The following MARK4 variants were observed in gnomAD, a reference collection of about 807,000 sequenced individuals.
MARK4 encodes the protein microtubule affinity regulating kinase 4.
In MARK4, 19 loss-of-function variants were observed where a neutral mutation model predicts 81.5. The ratio of observed to expected loss-of-function variants is 0.23; its 90% CI spans 0.16 to 0.34. The LOEUF (loss-of-function observed/expected upper bound fraction) is 0.34, where lower values mean the gene tolerates loss of function less well. Among genes scored for constraint, MARK4 ranks in the 10% least tolerant of loss-of-function variants. The pLI, the probability that MARK4 is intolerant of heterozygous loss-of-function variation, is 1.00. For synonymous variants in MARK4, 436 were observed against 439.0 expected (o/e 0.99, Z 0.08); for missense variants, 772 against 1,058.8 (o/e 0.73, Z 3.76).
intron 8 of MARK4, 127 bp from the exon 9 acceptor site, chr19:45,277,796 C>T (rs1970617854): frequency 1.7e-6 from 2 of 1,151,764 alleles, no homozygotes; most frequent in South Asian, 1.8e-5. Context: ...GCTTCTGTCA[C>T]TTCTATCAAA....
intron 13 of MARK4, among the ~76,000 whole-genome samples, chr19:45,290,544 C>G (rs969645459): frequency 6.6e-6 from 1 of 152,238 alleles, no homozygotes; most frequent in African/African-American, 2.4e-5. Context: ...TGACTGTGAC[C>G]GGCTTTGACC....
At chr19:45,293,510 G>C (rs1970845343) in intron 13 of MARK4, among the ~76,000 whole-genome samples, 1 of 152,144 alleles carries the variant, frequency 6.6e-6, no homozygotes, top group Non-Finnish European at 1.5e-5. Context: ...TAGAAAACCT[G>C]AACAGTCTTA....
At chr19:45,296,172 C>T (rs1970884185) in intron 14 of MARK4, among the ~76,000 whole-genome samples, 1 of 152,026 alleles carries the variant, frequency 6.6e-6, no homozygotes, top group South Asian at 2.1e-4. Flanking sequence ...CCTTCCAGTT[C>T]TGCTCAAGAG....
At chr19:45,268,833 T>C (rs994711577) in intron 7 of MARK4, among the ~76,000 whole-genome samples, 1 of 152,142 alleles carries the variant, frequency 6.6e-6, no homozygotes, top group Non-Finnish European at 1.5e-5. Context: ...CAAATTGCTA[T>C]AGAGGTTCAA....
chr19:45,292,312 G>T (rs1213700642), intron 13 of MARK4, among the ~76,000 whole-genome samples: 1 of 151,998 alleles, frequency 6.6e-6, no homozygotes, highest in Non-Finnish European at 1.5e-5. Context: ...TGAGAAAGTG[G>T]CCGGGACTCT....
At chr19:45,286,953 A>G (rs796170770) in intron 12 of MARK4, among the ~76,000 whole-genome samples, 9 of 152,088 alleles carry the variant, frequency 5.9e-5, no homozygotes, top group African/African-American at 1.9e-4. Context: ...GTGCTTCCTT[A>G]TTCTTTTTTA....
At chr19:45,295,390 C>T (rs766259870) in intron 14 of MARK4, among the ~76,000 whole-genome samples, 1 of 151,828 alleles carries the variant, frequency 6.6e-6, no homozygotes, top group South Asian at 2.1e-4. Context: ...TGTGAATACT[C>T]AGTTCTGAGT....
intron 13 of MARK4, among the ~76,000 whole-genome samples, chr19:45,289,712 G>A (rs140203570): frequency 0.016 from 2,442 of 152,210 alleles, 75 homozygotes; most frequent in African/African-American, 0.056. Context: ...AGAAGTTGCA[G>A]TGAGCCGAGA....
intron 13 of MARK4, among the ~76,000 whole-genome samples, chr19:45,291,071 C>T (rs1473603166): frequency 6.6e-6 from 1 of 152,162 alleles, no homozygotes; most frequent in Non-Finnish European, 1.5e-5. Flanking sequence ...AATTCATGCC[C>T]CTTGGCTCTT....
At chr19:45,296,778 AG>A (rs1414170745) in intron 14 of MARK4, among the ~76,000 whole-genome samples, 17 of 152,196 alleles carry the variant, frequency 1.1e-4, no homozygotes, top group African/African-American at 3.9e-4. Context: ...GGCTGGGCGC[AG>A]TGGCTCACAC....
chr19:45,289,506 C>T (rs112592483), intron 13 of MARK4, among the ~76,000 whole-genome samples: 26,934 of 151,772 alleles, frequency 0.18, 3,063 homozygotes, highest in Non-Finnish European at 0.26. Context: ...CACGGTGGCT[C>T]ATGCCTATAA....
chr19:45,277,814 G>A, intron 8 of MARK4, 109 bp from the exon 9 acceptor site: 1 of 1,304,788 alleles, frequency 7.7e-7, no homozygotes, highest in Non-Finnish European at 1.0e-6. Context: ...AAAGGGGTTG[G>A]GACAAAGGTT....
rs998729617 is a variant in MARK4 at position 45,299,777 on chromosome 19, A to G, written c.1878-34A>G. 15 of 1,566,914 alleles carry G rather than the reference A, an allele frequency of 9.6e-6. No individual in the cohort carries two copies. The Admixed American group carries it at 1.2e-4, about 13-fold the overall frequency. On this transcript the variant is annotated intron_variant, in intron 15 of 16. Transcript: ENST00000262891. ...TGCGGGAGGTGGGTTCCCTATGTCC[A>G]GATTAGACACTCTGTCCCCCTCCCC...
intron 10 of MARK4, 63 bp from the exon 11 acceptor site, chr19:45,280,307 AAAAG>A (rs1970654367): frequency 2.1e-6 from 3 of 1,439,874 alleles, no homozygotes; most frequent in Non-Finnish European, 9.7e-7. Flanking sequence ...GTCTCAAAAA[AAAAG>A]AGAAATGGAT....
In MARK4 at chr19:45,264,961, G is replaced by A. The variant is rs781065294; in HGVS notation, c.492+51G>A. On this transcript the variant is annotated intron_variant, in intron 6 of 16. Coordinates refer to ENST00000262891, the MANE Select transcript of MARK4 (RefSeq NM_001199867.2). ...TGACTGGGTGCCTGGGTCCCTGGGA[G>A]GGCGTCTGAGAGCTGGGCATGGTCT... 7.5e-5 allele frequency: 119 copies of A among 1,587,732 alleles called. No individual in the cohort carries two copies. The Admixed American group carries it at 1.9e-3, about 26-fold the overall frequency.
At chr19:45,275,027 G>A (rs1186321659) in intron 8 of MARK4, among the ~76,000 whole-genome samples, 5 of 152,178 alleles carry the variant, frequency 3.3e-5, no homozygotes, top group Non-Finnish European at 7.3e-5. Context: ...TTGGGTGGCC[G>A]AGGCGGGCAG....
In MARK4 at chr19:45,278,629, A is replaced by G. The variant is rs1414821914; in HGVS notation, c.1006+14A>G. The G allele has an allele frequency of 1.9e-6, 3 of 1,596,482 alleles. No homozygotes were observed. In the African/African-American group the frequency reaches 4.0e-5, roughly 21 times the overall value. On this transcript the variant is annotated intron_variant, in intron 10 of 16. Coordinates refer to ENST00000262891, the MANE Select transcript of MARK4 (RefSeq NM_001199867.2). Reference sequence around the variant, plus strand: ...CCAAGAGAATTGGTGAGGGTCAGGGAGAGCCATCCTGTCACCCAGGATGGA... The same window carrying G: ...CCAAGAGAATTGGTGAGGGTCAGGGGGAGCCATCCTGTCACCCAGGATGGA...
At chr19:45,301,704 CA>C (rs1473868272) in intron 16 of MARK4, among the ~76,000 whole-genome samples, 1 of 150,676 alleles carries the variant, frequency 6.6e-6, no homozygotes, top group African/African-American at 2.4e-5. Flanking sequence ...ACTAAAAATA[CA>C]AAAATTAGCT....
At chr19:45,299,782 A>G in intron 15 of MARK4, 29 bp from the exon 16 acceptor site, 1 of 1,577,972 alleles carries the variant, frequency 6.3e-7, no homozygotes, top group Non-Finnish European at 8.6e-7. Flanking sequence ...TGTCCAGATT[A>G]GACACTCTGT....
Sources: allele counts gnomAD v4.1 joint callset (sites outside exome capture counted in the v4.1 genomes callset), GRCh38; gene constraint gnomAD v4.1.1; transcripts MANE v1.5; gene names NCBI Gene and HGNC (gene_info 2026-07-23, HGNC 2026-07-21).